The following CEP131 variants were observed in gnomAD, a reference collection of about 807,000 sequenced individuals.
CEP131 encodes the protein centrosomal protein of 131 kDa.
A neutral mutation model predicts 136.8 loss-of-function variants in CEP131; 99 were observed. The ratio of observed to expected loss-of-function variants is 0.72; its 90% confidence interval spans 0.62 to 0.86. The LOEUF (loss-of-function observed/expected upper bound fraction) is 0.86, where lower values mean the gene tolerates loss of function less well. CEP131 is among the 40% of genes least tolerant of loss of function. The pLI is 0.00. For missense variants in CEP131, 1,459 were observed against 1,463.0 expected (o/e 1.00, Z 0.04); for synonymous variants, 646 against 612.7 (o/e 1.05, Z -0.80).
rs754413218 is a variant in CEP131, at chr17:81,189,972, C to T, written c.3111G>A (p.Val1037=). 2 of 1,608,944 alleles carry T rather than the reference C, an allele frequency of 1.2e-6. No individual in the cohort carries two copies. Among genetic ancestry groups the T allele is most frequent in the South Asian group, 2.2e-5 (2 of 90,690 alleles). ...CCTCCTTCCTCGCGAGGGCTGTCTT[C>T]ACCCTGTGGGTAGTACATGGTAGGC... ...QLELEEVHRR[V]KTALARKEEA... Residue 1037 remains valine, a synonymous_variant, in exon 25 of 26, where the codon GTG becomes GTA. Coordinates refer to ENST00000450824, the MANE Select transcript of CEP131 (RefSeq NM_014984.4).
chr17:81,199,860 G>C lies in CEP131; in HGVS notation c.907-25C>G, dbSNP rs767278727. On this transcript the variant is annotated intron_variant, in intron 8 of 25. Transcript: ENST00000450824. ...CCTGCCAAAGAAGCCGGTGCCATGT[G>C]GCGTTTACATCTGGAAGACGGAATC... The C allele has an allele frequency of 1.1e-5, 17 of 1,606,020 alleles. No individual in the cohort carries two copies. In the Admixed American group the frequency reaches 1.3e-4, roughly 13 times the overall value.
intron 1 of CEP131, among the ~76,000 whole-genome samples, chr17:81,222,514 C>A (rs2146788538): frequency 6.6e-6 from 1 of 152,274 alleles, no homozygotes; most frequent in African/African-American, 2.4e-5. Flanking sequence ...GGTGGGGACC[C>A]ACACCCTCAG....
At chr17:81,191,417 G>A (rs935588084) in intron 21 of CEP131, 82 bp from the exon 22 acceptor site, 5 of 1,360,978 alleles carry the variant, frequency 3.7e-6, no homozygotes, top group South Asian at 1.2e-5. Flanking sequence ...GTCCTGGGGG[G>A]CTCCAGGCTC....
chr17:81,197,575 T>A (rs566842892), intron 13 of CEP131, 137 bp downstream of exon 13: 6 of 1,275,466 alleles, frequency 4.7e-6, no homozygotes. Flanking sequence ...GGGGGCCGGG[T>A]GGGGGCTGGC....
intron 13 of CEP131, 200 bp downstream of exon 13, chr17:81,197,512 G>C: frequency 3.8e-6 from 3 of 792,348 alleles, no homozygotes; most frequent in Non-Finnish European, 5.8e-6. Flanking sequence ...TGAGAGACCC[G>C]TGGGGGGTGC....
In CEP131 at chr17:81,206,883, C is replaced by T. The variant is rs752998144; in HGVS notation, c.388-12G>A. ...CGGGGCTGGTCATCCTGTCAGACAG[C>T]TCAGCCCATGACACCGCCCGCACAC... On this transcript the variant is annotated splice_polypyrimidine_tract_variant and intron_variant, in intron 4 of 25. Transcript: ENST00000450824. The T allele has an allele frequency of 1.2e-6, 2 of 1,611,764 alleles. No homozygotes were observed. Among genetic ancestry groups the T allele is most frequent in the Admixed American group, 1.7e-5 (1 of 59,840 alleles).
intron 5 of CEP131, among the ~76,000 whole-genome samples, chr17:81,204,670 C>T (rs146642470): frequency 3.3e-4 from 50 of 152,198 alleles, no homozygotes; most frequent in Admixed American, 7.9e-4. Flanking sequence ...GAGCAATGCA[C>T]GAAACCTGCT....
chr17:81,221,093 C>T (rs920651731), intron 1 of CEP131, among the ~76,000 whole-genome samples: 4 of 146,620 alleles, frequency 2.7e-5, no homozygotes, highest in African/African-American at 1.0e-4. Context: ...ACACTGCACT[C>T]CAGCCTGGGC....
At chr17:81,202,879 G>A (rs537949974) in intron 6 of CEP131, among the ~76,000 whole-genome samples, 1 of 151,992 alleles carries the variant, frequency 6.6e-6, no homozygotes, top group Admixed American at 6.5e-5. Flanking sequence ...CAGGAGAATC[G>A]CTTGAACCTG....
chr17:81,197,838 T>C lies in CEP131; in HGVS notation c.1521A>G (p.Lys507=), dbSNP rs1459570281. Residue 507 remains lysine (K), a synonymous_variant, in exon 13 of 26, where the codon AAA becomes AAG. Transcript: ENST00000450824. ...CAGGAGGTTCGGGGAACGCACTGAG[T>C]TTTCCAAATTTCTCCAAGTTGTCAG... is the stretch of plus-strand genomic sequence containing the variant. ...LTADNLEKFG[K]LSAFPEPPED... 2 of 1,612,942 alleles carry C rather than the reference T, an allele frequency of 1.2e-6. No homozygotes were observed. The highest frequency in any genetic ancestry group is 2.2e-5 in the South Asian group (2 of 91,066).
Position 81,189,767 on chromosome 17 carries a change from G to C in CEP131, c.*2C>G, listed in dbSNP as rs565374788. 6 of 1,596,854 alleles carry C rather than the reference G, an allele frequency of 3.8e-6. No individual in the cohort carries two copies. In the South Asian group the frequency reaches 6.7e-5, roughly 18 times the overall value. On this transcript the variant is annotated 3_prime_UTR_variant, in exon 26 of 26. Coordinates refer to ENST00000450824, the MANE Select transcript of CEP131 (RefSeq NM_014984.4). Reference sequence around the variant, plus strand: ...CTTCGACAGTGTTCCCGGCATCCCTGGTCACTTGGTACTTGGCGTGGGCCT... The same window carrying C: ...CTTCGACAGTGTTCCCGGCATCCCTCGTCACTTGGTACTTGGCGTGGGCCT...
chr17:81,199,344 AC>A (rs778545158), intron 10 of CEP131, 36 bp downstream of exon 10: 22 of 1,553,570 alleles, frequency 1.4e-5, no homozygotes, highest in Middle Eastern at 2.1e-4. Context: ...GCTGCAGTCC[AC>A]CCCCCAGAGC....
At position 81,195,807 on chromosome 17, in the gene CEP131, C is replaced by T. The variant is rs374286383; in HGVS notation, c.2016+28G>A. 1.3e-4 allele frequency: 210 copies of T among 1,583,248 alleles called. 1 individual carries two copies. The African/African-American group carries it at 2.4e-3, about 18-fold the overall frequency. ...CCTGGCCTGTGAGCCGGGCTTGGGA[C>T]GCCGTGCAGTAGGGAGCAAAGCCTC... is the stretch of plus-strand genomic sequence containing the variant. On this transcript the variant is annotated intron_variant, in intron 16 of 25. Transcript: ENST00000450824.
chr17:81,191,653 G>C (rs928813865), intron 21 of CEP131, among the ~76,000 whole-genome samples: 3 of 152,196 alleles, frequency 2.0e-5, no homozygotes, highest in Non-Finnish European at 4.4e-5. Context: ...TGAGGGCGGG[G>C]CCTGGGCCCC....
In CEP131 at chr17:81,199,489, G is replaced by T. The variant is rs1275262760; in HGVS notation, c.1084C>A (p.Pro362Thr). 1 of 1,609,436 alleles carries T rather than the reference G, an allele frequency of 6.2e-7. No homozygotes were observed. Among genetic ancestry groups the T allele is most frequent in the Non-Finnish European group, 8.5e-7 (1 of 1,178,614 alleles). ...QKASTAERGP[P>T]ENPRETRVPG... ...ACTCTGGTCTCCCTGGGATTCTCAG[G>T]TGGCCCACGCTCGGCAGTGCTCGCC... The change falls in exon 10 of 26, where the codon CCT becomes ACT. Residue 362 changes from proline to threonine, a missense_variant. Physicochemically the swap from Pro to Thr is conservative, Grantham distance 38 (BLOSUM62 -1). Coordinates refer to ENST00000450824, the MANE Select transcript of CEP131 (RefSeq NM_014984.4).
intron 1 of CEP131, among the ~76,000 whole-genome samples, chr17:81,220,994 G>C (rs62075325): frequency 0.4 from 59,926 of 151,510 alleles, 14,544 homozygotes; most frequent in East Asian, 0.64. Context: ...GCGTGGTGGC[G>C]AGCGCCTGTA....
rs1342352033 is a variant in CEP131, at chr17:81,203,795, C to T, written c.516-188G>A. Reference sequence around the variant, plus strand: ...CTGCGCCCTGATGATGGGGTTCTTCCCAGGACAGGAAAGCTGGACCAGGGG... The same window carrying T: ...CTGCGCCCTGATGATGGGGTTCTTCTCAGGACAGGAAAGCTGGACCAGGGG... On this transcript the variant is annotated intron_variant, in intron 5 of 25. Coordinates refer to ENST00000450824, the MANE Select transcript of CEP131 (RefSeq NM_014984.4). The surrounding 1 kb of genome is among the most constrained non-coding windows in gnomAD (Gnocchi z 4.6). The T allele has an allele frequency of 3.5e-6, 2 of 578,824 alleles. No homozygotes were observed. Among genetic ancestry groups the T allele is most frequent in the East Asian group, 5.8e-5 (2 of 34,568 alleles). The allele number at this position is 578,824 out of a possible 1,614,324, so 35.9% of individuals were successfully genotyped here.
chr17:81,212,414 C>T (rs559073950), intron 2 of CEP131, among the ~76,000 whole-genome samples: 65 of 152,152 alleles, frequency 4.3e-4, no homozygotes, highest in Non-Finnish European at 6.6e-4. Flanking sequence ...GGGCGAGGTG[C>T]TGTCCAAGCA....
chr17:81,191,099 AG>A lies in CEP131; in HGVS notation c.2766-16del, dbSNP rs765457730. The A allele has an allele frequency of 6.3e-7, 1 of 1,597,620 alleles. No homozygotes were observed. Among genetic ancestry groups the A allele is most frequent in the Non-Finnish European group, 8.5e-7 (1 of 1,170,674 alleles). On this transcript the variant is annotated splice_polypyrimidine_tract_variant and intron_variant, in intron 22 of 25. Coordinates refer to ENST00000450824, the MANE Select transcript of CEP131 (RefSeq NM_014984.4). ...AGCGCTTGATGCTGGAGGTGGGGGG[AG>A]GGCAGGGTCACTCCAGCCCAGTCAC...
Sources: allele counts gnomAD v4.1 joint callset (sites outside exome capture counted in the v4.1 genomes callset), GRCh38; gene constraint gnomAD v4.1.1; non-coding constraint Gnocchi (gnomAD v3.1); transcripts MANE v1.5; gene names NCBI Gene and HGNC (gene_info 2026-07-23, HGNC 2026-07-21).